SEMA6A: variants seen among roughly 807,000 people sequenced by gnomAD.
SEMA6A encodes semaphorin-6A.
SEMA6A carries 25 observed loss-of-function variants against 96.8 expected under a neutral mutation model. The observed-to-expected ratio is 0.26, with a 90% confidence interval of 0.19 to 0.36. The LOEUF (loss-of-function observed/expected upper bound fraction) is 0.36. Among genes scored for constraint, SEMA6A ranks in the 10% least tolerant of loss-of-function variants. The pLI, the probability that SEMA6A is intolerant of heterozygous loss-of-function variation, is 1.00. For synonymous variants in SEMA6A, 612 were observed against 518.0 expected (o/e 1.18, Z -2.46); for missense variants, 1,363 against 1,323.1 (o/e 1.03, Z -0.47).
intron 18 of SEMA6A, 26 bp downstream of exon 18, chr5:116,467,557 A>T: frequency 6.3e-7 from 1 of 1,591,256 alleles, no homozygotes; most frequent in Non-Finnish European, 8.6e-7. Flanking sequence ...CTCCCCCGAG[A>T]GGAAGAGGCA....
Position 116,486,791 on chromosome 5 carries a change from C to G in SEMA6A, c.920G>C (p.Gly307Ala), listed in dbSNP as rs142151042. Residue 307 changes from glycine (G) to alanine (A), a missense_variant, in exon 10 of 19, where the codon GGG becomes GCG. Coordinates refer to ENST00000343348, the MANE Select transcript of SEMA6A (RefSeq NM_020796.5). ...QAVTDVIRIN[G>A]RDVVLATFST... ...AAACGTTGCCAGGACAACATCACGC[C>G]CGTTGATACGAATCACATCTGTAAC... The G allele has an allele frequency of 2.5e-5, 40 of 1,613,694 alleles. 1 individual carries two copies. In the African/African-American group the frequency reaches 4.8e-4, roughly 19 times the overall value.
intron 13 of SEMA6A, 135 bp from the exon 14 acceptor site, chr5:116,478,289 C>G: frequency 9.8e-7 from 1 of 1,022,052 alleles, no homozygotes; most frequent in Non-Finnish European, 1.4e-6. Flanking sequence ...CCCTTCTGCT[C>G]TTGCACACAC....
chr5:116,495,635 T>C, intron 5 of SEMA6A, 121 bp from the exon 6 acceptor site: 1 of 647,796 alleles, frequency 1.5e-6, no homozygotes, highest in South Asian at 2.0e-5. Context: ...ACTTCTCCCA[T>C]TAAAAGTTCA....
intron 6 of SEMA6A, among the ~76,000 whole-genome samples, chr5:116,495,135 G>A (rs547387597): frequency 5.9e-5 from 9 of 152,326 alleles, no homozygotes; most frequent in African/African-American, 1.9e-4. Flanking sequence ...CATGGTGTAC[G>A]TGGTAAGTAT....
intron 10 of SEMA6A, 88 bp downstream of exon 10, chr5:116,486,661 T>A: frequency 1.9e-6 from 2 of 1,067,154 alleles, no homozygotes. Flanking sequence ...TTTCAGTCAG[T>A]TGCAAATATG....
chr5:116,454,539 TAAGAA>T (rs1754870234), intron 18 of SEMA6A, among the ~76,000 whole-genome samples: 1 of 152,014 alleles, frequency 6.6e-6, no homozygotes, highest in Non-Finnish European at 1.5e-5. Context: ...TAATCCCTAT[TAAGAA>T]GAGAAGAAAA....
chr5:116,541,427 T>C (rs1239680397), intron 1 of SEMA6A, among the ~76,000 whole-genome samples: 2 of 152,210 alleles, frequency 1.3e-5, no homozygotes, highest in African/African-American at 4.8e-5. Flanking sequence ...TAACATGACA[T>C]AATAAAGTGT....
intron 1 of SEMA6A, among the ~76,000 whole-genome samples, chr5:116,554,480 A>G (rs1283697921): frequency 6.6e-6 from 1 of 152,210 alleles, no homozygotes; most frequent in Non-Finnish European, 1.5e-5. Flanking sequence ...ACAAAACTAC[A>G]TCACAGATAA....
At chr5:116,499,489 C>G (rs141147991) in intron 3 of SEMA6A, among the ~76,000 whole-genome samples, 1 of 152,118 alleles carries the variant, frequency 6.6e-6, no homozygotes. Context: ...AAACCTAGAT[C>G]TCTCAGAGCA....
At chr5:116,482,799 A>G (rs1756853552) in intron 10 of SEMA6A, among the ~76,000 whole-genome samples, 2 of 152,222 alleles carry the variant, frequency 1.3e-5, no homozygotes, top group South Asian at 4.1e-4. Flanking sequence ...GCTCACAGAG[A>G]GGAAAAAAAC....
At chr5:116,476,009 CTTGCCTTCCTAGGCAAGGTTTT>C (rs1177101694) in intron 15 of SEMA6A, among the ~76,000 whole-genome samples, 2 of 152,132 alleles carry the variant, frequency 1.3e-5, no homozygotes, top group South Asian at 2.1e-4. Flanking sequence ...CACTCCTACC[CTTGCCTTCCTAGGCAAGGTTTT>C]TTGCCTAGAC....
chr5:116,446,358 C>T lies in SEMA6A; in HGVS notation c.*255G>A, dbSNP rs1287126135. ...TGATAACTGAAGTCTTTTGTGGGTC[C>T]GACCTGTTGTAGGGTGTGGGGGAAA... On this transcript the variant is annotated 3_prime_UTR_variant, in exon 19 of 19. Coordinates refer to ENST00000343348, the MANE Select transcript of SEMA6A (RefSeq NM_020796.5). 2 of 376,230 alleles carry T rather than the reference C, an allele frequency of 5.3e-6. No homozygotes were observed. Among genetic ancestry groups the T allele is most frequent in the Non-Finnish European group, 9.5e-6 (2 of 210,542 alleles). 23.3% of individuals were successfully genotyped at this position (376,230 alleles called of 1,614,324 possible). A position where few individuals can be genotyped will look rare whatever the true frequency, so the allele number is the denominator to read the frequency against.
intron 18 of SEMA6A, among the ~76,000 whole-genome samples, chr5:116,452,775 C>G (rs1298274725): frequency 6.6e-6 from 1 of 152,130 alleles, no homozygotes; most frequent in Admixed American, 6.5e-5. Flanking sequence ...TGATGTTTTC[C>G]CCTAACTTAG....
At chr5:116,496,174 T>C in intron 5 of SEMA6A, 77 bp downstream of exon 5, 6 of 1,212,146 alleles carry the variant, frequency 4.9e-6, no homozygotes, top group Non-Finnish European at 7.3e-6. Context: ...CCATTCTACA[T>C]CACGGTCTAT....
intron 1 of SEMA6A, among the ~76,000 whole-genome samples, chr5:116,546,485 T>C (rs1183894098): frequency 1.3e-5 from 2 of 152,202 alleles, no homozygotes; most frequent in Non-Finnish European, 2.9e-5. Context: ...GTCTCTCAAA[T>C]ATGAATGTGT....
chr5:116,499,355 C>T (rs1040786667), intron 3 of SEMA6A, among the ~76,000 whole-genome samples: 5 of 149,482 alleles, frequency 3.3e-5, no homozygotes, highest in African/African-American at 4.9e-5. Context: ...AGGACTTCCT[C>T]TTCCCCCTCC....
At chr5:116,539,552 A>T (rs1759870097) in intron 1 of SEMA6A, among the ~76,000 whole-genome samples, 1 of 151,224 alleles carries the variant, frequency 6.6e-6, no homozygotes, top group African/African-American at 2.4e-5. Flanking sequence ...AGTATGGTTA[A>T]CTTGTCCTTC....
At chr5:116,561,240 T>G (rs1760806677) in intron 1 of SEMA6A, among the ~76,000 whole-genome samples, 4 of 152,256 alleles carry the variant, frequency 2.6e-5, no homozygotes, top group Admixed American at 2.6e-4. Context: ...ATACAAGCAC[T>G]ATATAAATAG....
At chr5:116,520,494 C>T (rs1350268108) in intron 1 of SEMA6A, among the ~76,000 whole-genome samples, 1 of 151,972 alleles carries the variant, frequency 6.6e-6, no homozygotes, top group Non-Finnish European at 1.5e-5. Flanking sequence ...AGTATCAGGA[C>T]AATTTCTGAA....
Sources: allele counts gnomAD v4.1 joint callset (sites outside exome capture counted in the v4.1 genomes callset), GRCh38; gene constraint gnomAD v4.1.1; transcripts MANE v1.5; gene names NCBI Gene and HGNC (gene_info 2026-07-23, HGNC 2026-07-21).